DOCK2: variants seen among roughly 807,000 people sequenced by gnomAD.
DOCK2 encodes the protein dedicator of cytokinesis 2.
Under a neutral mutation model 248.9 loss-of-function variants are expected in DOCK2, and 87 were observed. The observed-to-expected ratio is 0.35, with a 90% CI of 0.29 to 0.42. DOCK2 has a LOEUF of 0.42. DOCK2 is among the 10% of genes least tolerant of loss of function. DOCK2 has a pLI of 1.00. For missense variants in DOCK2, 1,747 were observed against 2,300.2 expected (o/e 0.76, Z 4.92); for synonymous variants, 805 against 821.6 (o/e 0.98, Z 0.35).
At chr5:169,867,521 A>G (rs1328411953) in intron 27 of DOCK2, among the ~76,000 whole-genome samples, 3 of 150,752 alleles carry the variant, frequency 2.0e-5, no homozygotes, top group East Asian at 3.9e-4. Context: ...TTATCTATCT[A>G]TCATCTATCA....
chr5:170,003,266 A>G (rs1754904553), intron 30 of DOCK2, among the ~76,000 whole-genome samples: 1 of 152,228 alleles, frequency 6.6e-6, no homozygotes, highest in Non-Finnish European at 1.5e-5. Flanking sequence ...GTATTTTACA[A>G]GTGAGGAGAA....
chr5:169,795,686 G>A lies in DOCK2; in HGVS notation c.2555-7372G>A, dbSNP rs559809541. 1.6e-4 allele frequency among the ~76,000 whole-genome samples: 24 copies of A among 152,334 alleles called. 1 individual carries two copies. Among genetic ancestry groups the A allele is most frequent in the African/African-American group, 5.1e-4 (21 of 41,578 alleles). ...TTGCTAACTGTCAGACTAGAATCAT[G>A]TCTATGGAGATCTCCCTTTGTGTCC... On this transcript the variant is annotated intron_variant, in intron 25 of 51. Transcript: ENST00000520908.
At chr5:169,643,061 C>G (rs769929265) in intron 1 of DOCK2, among the ~76,000 whole-genome samples, 1 of 152,146 alleles carries the variant, frequency 6.6e-6, no homozygotes, top group Admixed American at 6.5e-5. Context: ...GGAGTCTGGG[C>G]GGAGACACCA....
intron 26 of DOCK2, among the ~76,000 whole-genome samples, chr5:169,817,189 C>G (rs1768114057): frequency 6.6e-6 from 1 of 152,226 alleles, no homozygotes; most frequent in Non-Finnish European, 1.5e-5. Flanking sequence ...CACTCACCAC[C>G]TCTTCTGCAT....
intron 26 of DOCK2, among the ~76,000 whole-genome samples, chr5:169,821,528 T>A (rs143796833): frequency 0.17 from 25,570 of 151,956 alleles, 2,559 homozygotes; most frequent in Admixed American, 0.23. Context: ...CTAAGCTTCA[T>A]AAGTGAAGGA....
intron 22 of DOCK2, among the ~76,000 whole-genome samples, chr5:169,735,794 C>G (rs1390685371): frequency 2.6e-5 from 4 of 152,070 alleles, no homozygotes; most frequent in African/African-American, 9.7e-5. Flanking sequence ...ACTACCTGAG[C>G]CTGGGTAATT....
intron 27 of DOCK2, among the ~76,000 whole-genome samples, chr5:169,903,843 TA>T (rs1484029437): frequency 1.3e-5 from 2 of 152,094 alleles, no homozygotes; most frequent in Non-Finnish European, 2.9e-5. Context: ...CTCATGCCTG[TA>T]ATCCCAGCAC....
At chr5:169,869,900 G>C (rs1771843597) in intron 27 of DOCK2, among the ~76,000 whole-genome samples, 1 of 152,162 alleles carries the variant, frequency 6.6e-6, no homozygotes, top group South Asian at 2.1e-4. Context: ...CACATATGCT[G>C]TATATTCCAT....
At chr5:169,932,346 A>G (rs1775795555) in intron 27 of DOCK2, among the ~76,000 whole-genome samples, 1 of 152,168 alleles carries the variant, frequency 6.6e-6, no homozygotes, top group Non-Finnish European at 1.5e-5. Context: ...GGTTGGAACT[A>G]TACCCGCTGC....
At chr5:169,849,051 C>G (rs768702219) in intron 27 of DOCK2, among the ~76,000 whole-genome samples, 1 of 152,124 alleles carries the variant, frequency 6.6e-6, no homozygotes, top group Non-Finnish European at 1.5e-5. Flanking sequence ...CAACCCCAGT[C>G]CGTGGCAAGC....
At chr5:169,986,259 A>G (rs2113788578) in intron 29 of DOCK2, among the ~76,000 whole-genome samples, 1 of 152,358 alleles carries the variant, frequency 6.6e-6, no homozygotes, top group South Asian at 2.1e-4. Context: ...ATTCTGTGAC[A>G]TGGTAAAATA....
intron 23 of DOCK2, among the ~76,000 whole-genome samples, chr5:169,754,155 A>G (rs1013376138): frequency 6.6e-6 from 1 of 152,220 alleles, no homozygotes; most frequent in African/African-American, 2.4e-5. Context: ...AAGAGAGAAC[A>G]GGAAAGCCTG....
intron 2 of DOCK2, among the ~76,000 whole-genome samples, chr5:169,655,624 AG>A (rs1758065979): frequency 1.3e-5 from 2 of 152,200 alleles, no homozygotes; most frequent in Non-Finnish European, 2.9e-5. Flanking sequence ...GCAACCTCTT[AG>A]GCAACAGAGC....
chr5:169,921,323 A>G (rs1039742379), intron 27 of DOCK2, among the ~76,000 whole-genome samples: 2 of 152,242 alleles, frequency 1.3e-5, no homozygotes, highest in African/African-American at 4.8e-5. Flanking sequence ...GGAATAGGAA[A>G]TCTGTATAAT....
chr5:169,717,862 G>A (rs1337945770), intron 21 of DOCK2, among the ~76,000 whole-genome samples: 6 of 152,188 alleles, frequency 3.9e-5, no homozygotes, highest in African/African-American at 4.8e-5. Context: ...AGGAGTTGGA[G>A]ACCAGCCTGG....
chr5:169,728,531 T>G (rs911252946), intron 22 of DOCK2, among the ~76,000 whole-genome samples: 5 of 151,784 alleles, frequency 3.3e-5, no homozygotes, highest in African/African-American at 7.3e-5. Flanking sequence ...AAGGAGGGAG[T>G]GTCGGCAGTG....
In DOCK2 at chr5:169,778,641, C is replaced by G. The variant is rs574435034; in HGVS notation, c.2554+17016C>G. 7.9e-5 allele frequency among the ~76,000 whole-genome samples: 12 copies of G among 152,214 alleles called. No homozygotes were observed. In the South Asian group the frequency reaches 2.5e-3, roughly 32 times the overall value. ...CCTGGTAGAGTCATTTTGAGCTACA[C>G]GAAGGATTGTATATGCGTGTGTGCA... is the stretch of plus-strand genomic sequence containing the variant. On this transcript the variant is annotated intron_variant, in intron 25 of 51. Coordinates refer to ENST00000520908, the MANE Select transcript of DOCK2 (RefSeq NM_004946.3).
chr5:169,742,755 T>C (rs1763388026), intron 22 of DOCK2, among the ~76,000 whole-genome samples: 1 of 152,198 alleles, frequency 6.6e-6, no homozygotes, highest in Non-Finnish European at 1.5e-5. Context: ...GTACACAACA[T>C]ATGGGGCTCC....
At chr5:169,798,856 C>T (rs1026815531) in intron 25 of DOCK2, among the ~76,000 whole-genome samples, 1 of 152,158 alleles carries the variant, frequency 6.6e-6, no homozygotes, top group Admixed American at 6.5e-5. Context: ...CCTGTAGGTC[C>T]AACTGACCTC....
Sources: gnomAD v4.1 joint callset for allele counts (sites outside exome capture counted in the v4.1 genomes callset) on GRCh38, gnomAD v4.1.1 for gene constraint, MANE v1.5 for transcripts, NCBI Gene and HGNC (gene_info 2026-07-23, HGNC 2026-07-21) for gene names.